Variants in MYO1G observed in about 807,000 individuals in gnomAD.
The protein encoded by MYO1G is unconventional myosin-Ig.
In MYO1G, 65 loss-of-function variants were observed where a neutral mutation model predicts 115.3. The observed-to-expected ratio is 0.56, with a 90% CI of 0.46 to 0.69. The LOEUF (loss-of-function observed/expected upper bound fraction) is 0.69. Among genes scored for constraint, MYO1G ranks in the 30% least tolerant of loss-of-function variants. MYO1G has a pLI of 0.00. For missense variants in MYO1G, 1,204 were observed against 1,393.5 expected, an observed-to-expected ratio of 0.86 and a Z score of 2.16; for synonymous variants, 510 against 552.6, an observed-to-expected ratio of 0.92 and a Z score of 1.08.
At position 44,964,974 on chromosome 7, in the gene MYO1G, G is replaced by T. The variant is rs769773795; in HGVS notation, c.2497C>A (p.Arg833=). The part of the protein sequence containing the change: ...QGLRQDWGCR[R]AWARDYLSSA... ...GACAGGTAGTCTCGGGCCCAGGCCC[G>T]TCGGCAGCCCCAGTCCTGACGAAGC... Residue 833 remains arginine (R), a synonymous_variant, in exon 18 of 22, where the codon CGG becomes AGG. Transcript: ENST00000258787. The surrounding 1 kb of genome is among the most constrained non-coding windows in gnomAD (Gnocchi z 5.1). 2.5e-6 allele frequency: 4 copies of T among 1,603,146 alleles called. No homozygotes were observed. The South Asian group carries it at 3.3e-5, about 13-fold the overall frequency.
intron 9 of MYO1G, 28 bp from the exon 10 acceptor site, chr7:44,970,182 G>A: frequency 6.7e-7 from 1 of 1,484,002 alleles, no homozygotes; most frequent in East Asian, 2.3e-5. Context: ...CTTTCAGAGG[G>A]GAGGTCGCTG....
chr7:44,968,030 GC>G, intron 12 of MYO1G, 72 bp from the exon 13 acceptor site: 1 of 1,269,636 alleles, frequency 7.9e-7, no homozygotes, highest in Non-Finnish European at 1.1e-6. Context: ...GACCCCAGCA[GC>G]CCCCACTCTC....
intron 9 of MYO1G, 29 bp from the exon 10 acceptor site, chr7:44,970,183 G>T: frequency 6.7e-7 from 1 of 1,483,114 alleles, no homozygotes; most frequent in South Asian, 1.1e-5. Flanking sequence ...TTTCAGAGGG[G>T]AGGTCGCTGC....
rs866120405 is a variant in MYO1G at position 44,967,661 on chromosome 7, C to A, written c.1726G>T (p.Ala576Ser). The change falls in exon 14 of 22, where the codon GCT becomes TCT. Residue 576 changes from alanine to serine, a missense_variant. Ala to Ser is a moderately conservative substitution (Grantham distance 99, BLOSUM62 1). Transcript: ENST00000258787. ...ITEVTKRPLTAGTLFKNSMVA... is the reference protein window; with the variant it reads ...ITEVTKRPLTSGTLFKNSMVA... ...ATGGAGTTCTTGAAGAGTGTGCCAG[C>A]CGTCAGGGGGCGCTTGGTCACCTCT... The A allele has an allele frequency of 6.2e-7, 1 of 1,613,672 alleles. No individual in the cohort carries two copies. The highest frequency in any genetic ancestry group is 1.7e-5 in the Admixed American group (1 of 60,016).
chr7:44,966,859 T>C lies in MYO1G; in HGVS notation c.1783-21A>G, dbSNP rs1161353335. 6.3e-7 allele frequency: 1 copy of C among 1,587,284 alleles called. No individual in the cohort carries two copies. Among genetic ancestry groups the C allele is most frequent in the African/African-American group, 1.3e-5 (1 of 74,512 alleles). On this transcript the variant is annotated intron_variant, in intron 14 of 21. Transcript: ENST00000258787. This position sits in a 1 kb window ranked among gnomAD's most constrained non-coding sequence, Gnocchi z 5.0. ...GGCTCCTGCAGGGACAGAGGGGACT[T>C]GGAGAGGGTCTGCGCCAGCAGCACT...
intron 5 of MYO1G, 51 bp from the exon 6 acceptor site, chr7:44,972,276 T>C (rs1050488375): frequency 7.7e-7 from 1 of 1,293,090 alleles, no homozygotes; most frequent in Non-Finnish European, 1.1e-6. Flanking sequence ...GATGTCCCCC[T>C]GTACACACAC....
chr7:44,972,359 G>A, intron 5 of MYO1G, 134 bp from the exon 6 acceptor site: 1 of 671,718 alleles, frequency 1.5e-6, no homozygotes, highest in Non-Finnish European at 2.7e-6. Context: ...AGGTCAGACA[G>A]TGTGAACAGT....
chr7:44,963,823 G>C lies in MYO1G; in HGVS notation c.2745+226C>G, dbSNP rs1327685555. 1 of 551,160 alleles carries C rather than the reference G, an allele frequency of 1.8e-6. No homozygotes were observed. The highest frequency in any genetic ancestry group is 3.3e-6 in the Non-Finnish European group (1 of 305,416). The allele number at this position is 551,160 out of a possible 1,614,324, so 34.1% of individuals were successfully genotyped here. A position where few individuals can be genotyped will look rare whatever the true frequency, so the allele number is the denominator to read the frequency against. On this transcript the variant is annotated intron_variant, in intron 20 of 21. Transcript: ENST00000258787. This position sits in a 1 kb window ranked among gnomAD's most constrained non-coding sequence, Gnocchi z 4.1. The stretch of plus-strand genomic sequence containing the variant: ...TGGCTTGGCTAGAGTGTGAGAGTGG[G>C]GGTGGGGGGTGACTGGGCTGGTGGG...
chr7:44,977,154 G>A lies in MYO1G; in HGVS notation c.96-83C>T, dbSNP rs538209881. ...TTCGCCAGAGCCCATATCAGGGCCTGGCCCCAGTAGGCCAGCGCTCCCACC... is the reference window on the plus strand; with the variant it reads ...TTCGCCAGAGCCCATATCAGGGCCTAGCCCCAGTAGGCCAGCGCTCCCACC... On this transcript the variant is annotated intron_variant, in intron 1 of 21. Coordinates refer to ENST00000258787, the MANE Select transcript of MYO1G (RefSeq NM_033054.3). The A allele has an allele frequency of 9.4e-5, 123 of 1,309,592 alleles. No individual in the cohort carries two copies. In the African/African-American group the frequency reaches 1.7e-3, roughly 18 times the overall value. 81.1% of individuals were successfully genotyped at this position (1,309,592 alleles called of 1,614,324 possible). A position where few individuals can be genotyped will look rare whatever the true frequency, so the allele number is the denominator to read the frequency against.
In MYO1G at chr7:44,966,541, A is replaced by G. The variant is rs1341330599; in HGVS notation, c.1949+131T>C. On this transcript the variant is annotated intron_variant, in intron 15 of 21. Coordinates refer to ENST00000258787, the MANE Select transcript of MYO1G (RefSeq NM_033054.3). This position sits in a 1 kb window ranked among gnomAD's most constrained non-coding sequence, Gnocchi z 5.0. ...TCTTCCCAGATATTTTGGTGTCTTG[A>G]GGCCAGCAGCGTGCTGGTTCCTGCT... is the stretch of plus-strand genomic sequence containing the variant. 8.4e-7 allele frequency: 1 copy of G among 1,184,248 alleles called. No homozygotes were observed. The highest frequency in any genetic ancestry group is 1.9e-5 in the Admixed American group (1 of 51,912). 73.4% of individuals were successfully genotyped at this position (1,184,248 alleles called of 1,614,324 possible). A position where few individuals can be genotyped will look rare whatever the true frequency, so the allele number is the denominator to read the frequency against.
At chr7:44,967,847 C>T (rs745360030) in intron 13 of MYO1G, 37 bp downstream of exon 13, 1 of 1,613,212 alleles carries the variant, frequency 6.2e-7, no homozygotes, top group South Asian at 1.1e-5. Flanking sequence ...CCCCAGGGCC[C>T]TGGCCCTCCC....
chr7:44,972,422 C>T (rs921532339), intron 5 of MYO1G, 197 bp from the exon 6 acceptor site: 4 of 563,274 alleles, frequency 7.1e-6, no homozygotes, highest in Non-Finnish European at 1.3e-5. Flanking sequence ...CAGGGAGCTC[C>T]ACTTCAGTGG....
chr7:44,969,832 C>T lies in MYO1G; in HGVS notation c.1376G>A (p.Arg459Gln), dbSNP rs753359428. 27 of 1,612,576 alleles carry T rather than the reference C, an allele frequency of 1.7e-5. No individual in the cohort carries two copies. Among genetic ancestry groups the T allele is most frequent in the Admixed American group, 1.5e-4 (9 of 59,902 alleles). The change falls in exon 11 of 22, where the codon CGG (arginine) becomes CAG (glutamine). Residue 459 changes from arginine (R) to glutamine (Q), a missense_variant. Transcript: ENST00000258787. This position sits in a 1 kb window ranked among gnomAD's most constrained non-coding sequence, Gnocchi z 5.0. ...CACGGCCAGGATGCCACGGTGGGGC[C>T]GCTCCACCAGATCCACAATGGTGGC... ...NNATIVDLVE[R>Q]PHRGILAVLD...
chr7:44,976,520 C>T, intron 3 of MYO1G, 44 bp downstream of exon 3: 1 of 1,589,122 alleles, frequency 6.3e-7, no homozygotes, highest in South Asian at 1.1e-5. Flanking sequence ...ACTGAGGTCC[C>T]TGGCCTGCCA....
chr7:44,962,766 G>C lies in MYO1G; in HGVS notation c.3030C>G (p.Ser1010=). 1.3e-6 allele frequency: 2 copies of C among 1,486,674 alleles called. No individual in the cohort carries two copies. The highest frequency in any genetic ancestry group is 2.6e-5 in the East Asian group (1 of 38,374). The allele number at this position is 1,486,674 out of a possible 1,614,324, so 92.1% of individuals were successfully genotyped here. Residue 1010 remains serine (S), a synonymous_variant, in exon 22 of 22, where the codon TCC becomes TCG. Transcript: ENST00000258787. The surrounding 1 kb of genome is among the most constrained non-coding windows in gnomAD (Gnocchi z 5.3). ...AGCGGCTGGGCCAGAGCAGGGTGAA[G>C]GAGCCGCGAGCGCAGCGGAAATCGG... ...PEPDFRCARG[S]FTLLWPSR
rs1227427041 is a variant in MYO1G at position 44,964,061 on chromosome 7, C to T, written c.2733G>A (p.Val911=). The T allele has an allele frequency of 1.3e-6, 2 of 1,593,560 alleles. No individual in the cohort carries two copies. The highest frequency in any genetic ancestry group is 1.3e-5 in the African/African-American group (1 of 74,644). The change falls in exon 20 of 22, where the codon GTG becomes GTA. Residue 911 remains valine, a synonymous_variant. Transcript: ENST00000258787. This position sits in a 1 kb window ranked among gnomAD's most constrained non-coding sequence, Gnocchi z 5.1. ...PDRQYRVMRA[V]PLEAVTGLSV... ...CCACATTGCTCACCGCCTCAAGGGG[C>T]ACGGCCCGCATCACCCGGTACTGCC...
In MYO1G at chr7:44,969,185, G is replaced by T; in HGVS notation, c.1574+228C>A. Reference sequence around the variant, plus strand: ...CATGAGACGTGGGTATTTTTTAAAGGCTCCCAGAAGAATGCAGCCATGGTT... The same window carrying T: ...CATGAGACGTGGGTATTTTTTAAAGTCTCCCAGAAGAATGCAGCCATGGTT... On this transcript the variant is annotated intron_variant, in intron 12 of 21. Transcript: ENST00000258787. The surrounding 1 kb of genome is among the most constrained non-coding windows in gnomAD (Gnocchi z 5.0). 1.9e-6 allele frequency: 1 copy of T among 529,016 alleles called. No homozygotes were observed. The allele number at this position is 529,016 out of a possible 1,614,324, so 32.8% of individuals were successfully genotyped here.
Position 44,964,468 on chromosome 7 carries a change from G to A in MYO1G, c.2578C>T (p.Leu860Phe). ...GCCCCGAAGCCATCTTTGTCCTGAA[G>A]TGTCTTTAGTCGCTGAGCAAACAGG... ...SSLFAQRLKT[L>F]QDKDGFGAVL... is the part of the protein sequence containing the mutation. The change falls in exon 19 of 22, where the codon CTT (leucine) becomes TTT (phenylalanine). Residue 860 changes from leucine (L) to phenylalanine (F), a missense_variant. Transcript: ENST00000258787. This position sits in a 1 kb window ranked among gnomAD's most constrained non-coding sequence, Gnocchi z 5.1. 1 of 1,614,084 alleles carries A rather than the reference G, an allele frequency of 6.2e-7. No homozygotes were observed. Among genetic ancestry groups the A allele is most frequent in the Non-Finnish European group, 8.5e-7 (1 of 1,180,004 alleles).
rs776499313 is a variant in MYO1G, at chr7:44,964,535, G to A, written c.2527-16C>T. On this transcript the variant is annotated splice_polypyrimidine_tract_variant and intron_variant, in intron 18 of 21. Coordinates refer to ENST00000258787, the MANE Select transcript of MYO1G (RefSeq NM_033054.3). This position sits in a 1 kb window ranked among gnomAD's most constrained non-coding sequence, Gnocchi z 5.1. ...TGTCAGTGGCCTGAGGACAGATGGA[G>A]GGGAGGGGGCGCTGCTTGGGATTGA... The A allele has an allele frequency of 1.9e-6, 3 of 1,603,938 alleles. No individual in the cohort carries two copies. The highest frequency in any genetic ancestry group is 1.3e-5 in the African/African-American group (1 of 74,856).
Sources: gnomAD v4.1 joint callset for allele counts on GRCh38, gnomAD v4.1.1 for gene constraint, Gnocchi (gnomAD v3.1) non-coding constraint, MANE v1.5 for transcripts, NCBI Gene and HGNC (gene_info 2026-07-23, HGNC 2026-07-21) for gene names.